The following POC1A variants were observed in gnomAD, a reference collection of about 807,000 sequenced individuals.
POC1A encodes POC1 centriolar protein homolog A.
POC1A carries 34 observed loss-of-function variants against 47.8 expected under a neutral mutation model. The observed-to-expected ratio is 0.71, with a 90% confidence interval of 0.54 to 0.95. The LOEUF (loss-of-function observed/expected upper bound fraction) is 0.95. POC1A is among the 40% of genes least tolerant of loss of function. POC1A has a pLI of 0.00. For synonymous variants in POC1A, 177 were observed against 207.6 expected, an observed-to-expected ratio of 0.85 and a Z score of 1.27; for missense variants, 466 against 528.3, an observed-to-expected ratio of 0.88 and a Z score of 1.16.
chr3:52,139,430 C>G (rs1293839179), intron 6 of POC1A, among the ~76,000 whole-genome samples: 1 of 152,170 alleles, frequency 6.6e-6, no homozygotes, highest in East Asian at 1.9e-4. Flanking sequence ...CCGGCCACCC[C>G]AGCTCTGTCG....
Position 52,111,927 on chromosome 3 carries a change from T to C in POC1A, c.981+10452A>G, listed in dbSNP as rs181008105. 3.4e-3 allele frequency among the ~76,000 whole-genome samples: 521 copies of C among 152,154 alleles called. 4 individuals are homozygous for C. Among genetic ancestry groups the C allele is most frequent in the African/African-American group, 0.011 (452 of 41,492 alleles). On this transcript the variant is annotated intron_variant, in intron 9 of 10. Coordinates refer to ENST00000296484, the MANE Select transcript of POC1A (RefSeq NM_015426.5). ...GGCCTGGAGAACACAGATTCAAGAATAGGTGACTGGACTAATGGCAGGAGT... is the reference window on the plus strand; with the variant it reads ...GGCCTGGAGAACACAGATTCAAGAACAGGTGACTGGACTAATGGCAGGAGT...
chr3:52,144,891 C>T (rs564473524), intron 6 of POC1A, among the ~76,000 whole-genome samples: 3 of 152,276 alleles, frequency 2.0e-5, no homozygotes, highest in African/African-American at 7.2e-5. Context: ...TGGGTGGGGT[C>T]GGAACCCCAC....
At chr3:52,154,261 C>T in intron 1 of POC1A, 94 bp downstream of exon 1, 1 of 1,352,238 alleles carries the variant, frequency 7.4e-7, no homozygotes, top group Non-Finnish European at 1.0e-6. Context: ...CCTGGCGCCC[C>T]GCCCGCCCCT....
chr3:52,120,153 ATCT>A (rs1290052004), intron 9 of POC1A, among the ~76,000 whole-genome samples: 2 of 152,214 alleles, frequency 1.3e-5, no homozygotes, highest in African/African-American at 4.8e-5. Flanking sequence ...AAAGATGAAG[ATCT>A]TCTGGAAATA....
chr3:52,134,069 G>A (rs1269765834), intron 7 of POC1A, among the ~76,000 whole-genome samples: 1 of 152,172 alleles, frequency 6.6e-6, no homozygotes, highest in East Asian at 1.9e-4. Flanking sequence ...GCAGCAAGAT[G>A]GGGACACAAG....
chr3:52,111,082 GCTTTTCC>G (rs1440464377), intron 9 of POC1A, among the ~76,000 whole-genome samples: 2 of 152,170 alleles, frequency 1.3e-5, no homozygotes, highest in Non-Finnish European at 2.9e-5. Context: ...GTCTTAATAT[GCTTTTCC>G]CTGGATGTCT....
In POC1A at chr3:52,147,571, C is replaced by A. The variant is rs988857414; in HGVS notation, c.456-476G>T. 1.2e-4 allele frequency among the ~76,000 whole-genome samples: 18 copies of A among 151,884 alleles called. 1 individual carries two copies. The highest frequency in any genetic ancestry group is 2.5e-4 in the Non-Finnish European group (17 of 67,976). ...ACCTAAGCCTCCTGAGCAGCTGGGA[C>A]TACAGGCGTGCACCACCACACCCAG... On this transcript the variant is annotated intron_variant, in intron 4 of 10. Transcript: ENST00000296484.
chr3:52,107,243 G>A (rs1703219130), intron 9 of POC1A, among the ~76,000 whole-genome samples: 1 of 152,256 alleles, frequency 6.6e-6, no homozygotes, highest in East Asian at 1.9e-4. Context: ...ACTTGTTACA[G>A]TGAGAAATGC....
At chr3:52,094,493 A>G (rs1285257568) in intron 10 of POC1A, among the ~76,000 whole-genome samples, 3 of 152,240 alleles carry the variant, frequency 2.0e-5, no homozygotes, top group Non-Finnish European at 4.4e-5. Flanking sequence ...TCTCAGCTAG[A>G]GAAAGCCCCA....
chr3:52,121,510 T>C (rs968506539), intron 9 of POC1A, among the ~76,000 whole-genome samples: 5 of 151,694 alleles, frequency 3.3e-5, no homozygotes, highest in African/African-American at 1.2e-4. Flanking sequence ...TGTGTTGGGG[T>C]GGGGAGATGG....
chr3:52,092,542 G>A (rs905241032), intron 10 of POC1A, among the ~76,000 whole-genome samples: 7 of 152,106 alleles, frequency 4.6e-5, no homozygotes, highest in African/African-American at 1.7e-4. Context: ...CAGGTGGGAG[G>A]ATAAAGTGAG....
intron 6 of POC1A, among the ~76,000 whole-genome samples, chr3:52,139,377 G>C (rs933103903): frequency 3.9e-5 from 6 of 152,006 alleles, no homozygotes; most frequent in Non-Finnish European, 8.8e-5. Context: ...ACCATCTCAG[G>C]CTAACCCCAC....
chr3:52,119,374 A>G (rs994183166), intron 9 of POC1A, among the ~76,000 whole-genome samples: 7 of 150,572 alleles, frequency 4.6e-5, no homozygotes, highest in African/African-American at 1.2e-4. Context: ...CCAGAGGGAC[A>G]TTTGGCAGCA....
chr3:52,094,626 C>T (rs141870268), intron 10 of POC1A, among the ~76,000 whole-genome samples: 1 of 152,282 alleles, frequency 6.6e-6, no homozygotes, highest in Non-Finnish European at 1.5e-5. Flanking sequence ...AAGGCCTCAA[C>T]TGGTGCTTCA....
chr3:52,146,107 C>G (rs973807758), intron 5 of POC1A, 146 bp from the exon 6 acceptor site: 10 of 609,310 alleles, frequency 1.6e-5, no homozygotes. Flanking sequence ...CACTTGTTTA[C>G]CAGGTGGCCA....
chr3:52,088,170 C>A (rs552391278), intron 10 of POC1A, among the ~76,000 whole-genome samples: 1 of 152,106 alleles, frequency 6.6e-6, no homozygotes, highest in Non-Finnish European at 1.5e-5. Flanking sequence ...TATAGCCTGG[C>A]GAGTCGGGCT....
chr3:52,144,094 A>T (rs929786048), intron 6 of POC1A, among the ~76,000 whole-genome samples: 1 of 152,196 alleles, frequency 6.6e-6, no homozygotes, highest in Non-Finnish European at 1.5e-5. Context: ...TCACAAAGCC[A>T]TGAGGAAGGC....
At chr3:52,108,994 T>C (rs922036550) in intron 9 of POC1A, among the ~76,000 whole-genome samples, 3 of 152,028 alleles carry the variant, frequency 2.0e-5, no homozygotes, top group African/African-American at 7.3e-5. Flanking sequence ...TACCAAACTC[T>C]CCTGGAGGAC....
chr3:52,082,170 T>C (rs1490941224), intron 10 of POC1A, among the ~76,000 whole-genome samples: 1 of 149,790 alleles, frequency 6.7e-6, no homozygotes, highest in Non-Finnish European at 1.5e-5. Flanking sequence ...AGCCAGTGGG[T>C]GAGGAGGGAA....
Sources: allele counts gnomAD v4.1 joint callset (sites outside exome capture counted in the v4.1 genomes callset), GRCh38; gene constraint gnomAD v4.1.1; transcripts MANE v1.5; gene names NCBI Gene and HGNC (gene_info 2026-07-23, HGNC 2026-07-21).